Variants in SLC26A6 observed in about 807,000 individuals in gnomAD.
The protein encoded by SLC26A6 is solute carrier family 26 member 6, also known as anion exchange transporter.
A neutral mutation model predicts 87.1 loss-of-function variants in SLC26A6; 67 were observed. The observed-to-expected ratio is 0.77, with a 90% CI of 0.63 to 0.94. The LOEUF (loss-of-function observed/expected upper bound fraction) is 0.94. Among genes scored for constraint, SLC26A6 ranks in the 40% least tolerant of loss-of-function variants. The pLI is 0.00. For missense variants in SLC26A6, 902 were observed against 973.0 expected (o/e 0.93, Z 0.97); for synonymous variants, 414 against 405.9 (o/e 1.02, Z -0.24).
chr3:48,634,777 T>C (rs1351399183), intron 1 of SLC26A6: 14 of 984,456 alleles, frequency 1.4e-5, no homozygotes, highest in African/African-American at 1.8e-5. Flanking sequence ...GAGTGTGGAG[T>C]GGGTGCAAGG....
intron 17 of SLC26A6, chr3:48,627,274 T>C: frequency 3.5e-6 from 2 of 579,114 alleles, no homozygotes; most frequent in Admixed American, 3.3e-5. Flanking sequence ...ACTGCTCTGC[T>C]ACCTCCTGGG....
chr3:48,630,394 C>G (rs1451871057), intron 11 of SLC26A6, 44 bp downstream of exon 11: 1 of 1,541,600 alleles, frequency 6.5e-7, no homozygotes. Flanking sequence ...ATTTGAGAGC[C>G]CTGGCCTGGC....
rs373285974 is a variant in SLC26A6, at chr3:48,632,054, G to A, written c.586-10C>T. 105 of 1,612,494 alleles carry A rather than the reference G, an allele frequency of 6.5e-5. No homozygotes were observed. Among genetic ancestry groups the A allele is most frequent in the East Asian group, 4.7e-4 (21 of 44,856 alleles). ...TCAGGCCCAGCCCCACCTGTGGGGC[G>A]GCCAGGGGCAGTCAGGAGAGGCAGG... On this transcript the variant is annotated splice_polypyrimidine_tract_variant and intron_variant, in intron 5 of 20. Transcript: ENST00000395550.
At chr3:48,631,346 C>T (rs2106664173) in intron 7 of SLC26A6, 40 bp from the exon 8 acceptor site, 1 of 1,519,980 alleles carries the variant, frequency 6.6e-7, no homozygotes, top group South Asian at 1.3e-5. Flanking sequence ...GGTGCTGGCA[C>T]CATGGTCAGG....
In SLC26A6 at chr3:48,626,978, T is replaced by A; in HGVS notation, c.1971A>T (p.Thr657=). 6.2e-7 allele frequency: 1 copy of A among 1,614,182 alleles called. No homozygotes were observed. The highest frequency in any genetic ancestry group is 8.5e-7 in the Non-Finnish European group (1 of 1,180,028). ...GCTGAGGCAGGCCCAGGGCCTTCAG[T>A]GTGGACCCATCTGGGGCCTTGGAGT... ...QEDSKAPDGS[T]LKALGLPQPD... The change falls in exon 18 of 21, where the codon ACA becomes ACT. Residue 657 remains threonine (T), a synonymous_variant. Transcript: ENST00000395550.
chr3:48,627,815 C>T, intron 17 of SLC26A6, 131 bp downstream of exon 17: 2 of 756,584 alleles, frequency 2.6e-6, no homozygotes, highest in Non-Finnish European at 4.1e-6. Context: ...CCAGCCTCCC[C>T]ACTCCTCCTG....
chr3:48,627,781 G>A (rs945159017), intron 17 of SLC26A6, 165 bp downstream of exon 17: 29 of 573,572 alleles, frequency 5.1e-5, no homozygotes, highest in Non-Finnish European at 7.7e-5. Context: ...GGCATATCAC[G>A]ACGCTCCCTG....
chr3:48,631,884 A>G lies in SLC26A6; in HGVS notation c.746T>C (p.Ile249Thr), dbSNP rs771239649. 2.5e-6 allele frequency: 4 copies of G among 1,613,632 alleles called. No individual in the cohort carries two copies. The South Asian group carries it at 3.3e-5, about 13-fold the overall frequency. Residue 249 changes from isoleucine to threonine, a missense_variant, in exon 6 of 21, where the codon ATC (isoleucine) becomes ACC (threonine). Ile to Thr is a moderately conservative substitution (Grantham distance 89). Transcript: ENST00000395550. Reference protein sequence around the residue: ...LSSHSGPLSLIYTVLEVCWKL... With the variant: ...LSSHSGPLSLTYTVLEVCWKL... The stretch of plus-strand genomic sequence containing the variant: ...CCTCCCCCTACCCTCACTCACATAG[A>G]TGAGGGACAGTGGCCCAGAGTGGCT...
In SLC26A6 at chr3:48,633,587, C is replaced by T. The variant is rs748147547; in HGVS notation, c.72G>A (p.Leu24=). 3.7e-6 allele frequency: 6 copies of T among 1,613,478 alleles called. No homozygotes were observed. The highest frequency in any genetic ancestry group is 5.1e-6 in the Non-Finnish European group (6 of 1,180,006). ...ALLSATQAMD[L]RRRDYHMERP... is the part of the protein sequence containing the mutation. ...GTTCCATGTGGTAGTCTCGCCTCCG[C>T]AGGTCCATTGCTTGTGTTGCAGACA... Residue 24 remains leucine, a synonymous_variant, in exon 2 of 21, where the codon CTG becomes CTA. Coordinates refer to ENST00000395550, the MANE Select transcript of SLC26A6 (RefSeq NM_022911.3).
At chr3:48,626,450 C>T (rs997321854) in intron 19 of SLC26A6, 96 bp from the exon 20 acceptor site, 1 of 1,574,416 alleles carries the variant, frequency 6.4e-7, no homozygotes, top group Non-Finnish European at 8.7e-7. Context: ...CACCCCTGAC[C>T]TCCACCCCTG....
In SLC26A6 at chr3:48,626,448, A is replaced by G. The variant is rs957636589; in HGVS notation, c.2129-94T>C. Reference sequence around the variant, plus strand: ...GAATGCCCTGACCTCATCACCCCTGACCTCCACCCCTGAGGCTACAGCTGA... The same window carrying G: ...GAATGCCCTGACCTCATCACCCCTGGCCTCCACCCCTGAGGCTACAGCTGA... On this transcript the variant is annotated intron_variant, in intron 19 of 20. Coordinates refer to ENST00000395550, the MANE Select transcript of SLC26A6 (RefSeq NM_022911.3). 15 of 1,576,006 alleles carry G rather than the reference A, an allele frequency of 9.5e-6. No homozygotes were observed. The African/African-American group carries it at 1.5e-4, about 16-fold the overall frequency.
In SLC26A6 at chr3:48,630,979, C is replaced by A. The variant is rs750907959; in HGVS notation, c.1134+14G>T. 3.1e-6 allele frequency: 5 copies of A among 1,613,324 alleles called. No individual in the cohort carries two copies. The Admixed American group carries it at 8.3e-5, about 27-fold the overall frequency. ...ACACTTGGATGCCTCCTACACATCC[C>A]GCATCACCCAGACCTGGTTGCTGTC... On this transcript the variant is annotated intron_variant, in intron 9 of 20. Transcript: ENST00000395550.
chr3:48,630,479 T>G lies in SLC26A6; in HGVS notation c.1285A>C (p.Ile429Leu). The change falls in exon 11 of 21, where the codon ATC (isoleucine) becomes CTC (leucine). Residue 429 changes from isoleucine (I) to leucine (L), a missense_variant. Physicochemically the swap from Ile to Leu is conservative, Grantham distance 5 (BLOSUM62 2). Coordinates refer to ENST00000395550, the MANE Select transcript of SLC26A6 (RefSeq NM_022911.3). ...GAISSLFILLIIVKLGELFHD... is the reference protein window; with the variant it reads ...GAISSLFILLLIVKLGELFHD... ...AAGAGTTCCCCAAGTTTGACAATGA[T>G]GAGGAGGATGAAAAGGGAAGAGATG... 6.4e-7 allele frequency: 1 copy of G among 1,561,038 alleles called. No individual in the cohort carries two copies. The highest frequency in any genetic ancestry group is 2.4e-5 in the East Asian group (1 of 41,562).
chr3:48,625,845 C>T lies in SLC26A6; in HGVS notation c.*141G>A. 2 of 1,122,740 alleles carry T rather than the reference C, an allele frequency of 1.8e-6. No homozygotes were observed. The highest frequency in any genetic ancestry group is 2.6e-6 in the Non-Finnish European group (2 of 775,942). 69.5% of individuals were successfully genotyped at this position (1,122,740 alleles called of 1,614,324 possible). A position where few individuals can be genotyped will look rare whatever the true frequency, so the allele number is the denominator to read the frequency against. On this transcript the variant is annotated 3_prime_UTR_variant, in exon 21 of 21. Transcript: ENST00000395550. This position sits in a 1 kb window ranked among gnomAD's most constrained non-coding sequence, Gnocchi z 4.7. ...AGACCTGGAGCGCTGAACTTGGAGT[C>T]CCAGGACCTCCTTCCCTGAGTTGTG...
chr3:48,626,924 C>A lies in SLC26A6; in HGVS notation c.2025G>T (p.Leu675=), dbSNP rs144813471. The A allele has an allele frequency of 6.2e-7, 1 of 1,614,124 alleles. No homozygotes were observed. The highest frequency in any genetic ancestry group is 1.7e-4 in the Middle Eastern group (1 of 6,060). ...QPDFHSLILD[L]GALSFVDTVC... Reference sequence around the variant, plus strand: ...CAGTGTCCACAAAGGAGAGGGCACCCAGGTCCAGGATGAGGCTGTGGAAGT... The same window carrying A: ...CAGTGTCCACAAAGGAGAGGGCACCAAGGTCCAGGATGAGGCTGTGGAAGT... The change falls in exon 18 of 21, where the codon CTG becomes CTT. Residue 675 remains leucine, a synonymous_variant. Transcript: ENST00000395550.
intron 4 of SLC26A6, 130 bp downstream of exon 4, chr3:48,632,844 C>A: frequency 1.1e-6 from 1 of 931,316 alleles, no homozygotes; most frequent in South Asian, 1.5e-5. Context: ...GACTCGTGGG[C>A]TAGCCCAGGG....
intron 11 of SLC26A6, 115 bp downstream of exon 11, chr3:48,630,323 A>T: frequency 7.5e-7 from 1 of 1,338,084 alleles, no homozygotes; most frequent in South Asian, 1.3e-5. Flanking sequence ...TGAAGATCTC[A>T]GCCTTGAAAA....
At chr3:48,627,125 C>A (rs1019273031) in intron 17 of SLC26A6, 70 bp from the exon 18 acceptor site, 12 of 1,543,548 alleles carry the variant, frequency 7.8e-6, no homozygotes, top group South Asian at 5.0e-5. Context: ...CACACAGACA[C>A]GCGAGAACAC....
Position 48,628,524 on chromosome 3 carries a change from G to A in SLC26A6, c.1710C>T (p.Asp570=), listed in dbSNP as rs889629530. 6 of 1,614,052 alleles carry A rather than the reference G, an allele frequency of 3.7e-6. No individual in the cohort carries two copies. Among genetic ancestry groups the A allele is most frequent in the Non-Finnish European group, 5.1e-6 (6 of 1,179,970 alleles). ...ALKQRCGVDV[D]FLISQKKKLL... ...GTTTCTTCTTCTGGGAGATGAGGAA[G>A]TCGACATCCACACCACACTGGAGGC... The change falls in exon 16 of 21, where the codon GAC becomes GAT. Residue 570 remains aspartate, a synonymous_variant. Coordinates refer to ENST00000395550, the MANE Select transcript of SLC26A6 (RefSeq NM_022911.3). The surrounding 1 kb of genome is among the most constrained non-coding windows in gnomAD (Gnocchi z 4.4).
Sources: gnomAD v4.1 joint callset for allele counts on GRCh38, gnomAD v4.1.1 for gene constraint, Gnocchi (gnomAD v3.1) non-coding constraint, MANE v1.5 for transcripts, NCBI Gene and HGNC (gene_info 2026-07-23, HGNC 2026-07-21) for gene names.